TMEM132D: variants seen among roughly 807,000 people sequenced by gnomAD.
TMEM132D encodes the protein mature OL transmembrane protein.
TMEM132D carries 21 observed loss-of-function variants against 62.3 expected under a neutral mutation model. The observed-to-expected ratio is 0.34, with a 90% CI of 0.24 to 0.49. The LOEUF (loss-of-function observed/expected upper bound fraction) is 0.49, where lower values mean the gene tolerates loss of function less well. TMEM132D is among the 20% of genes least tolerant of loss of function. The pLI is 0.99. For synonymous variants in TMEM132D, 621 were observed against 575.6 expected, an observed-to-expected ratio of 1.08 and a Z score of -1.13; for missense variants, 1,346 against 1,402.8, an observed-to-expected ratio of 0.96 and a Z score of 0.65.
chr12:129,722,895 A>T (rs542795545), intron 1 of TMEM132D, among the ~76,000 whole-genome samples: 2 of 151,976 alleles, frequency 1.3e-5, no homozygotes, highest in Non-Finnish European at 2.9e-5. Context: ...ATATGACACC[A>T]CATCCAGCTA....
rs139697593 is a variant in TMEM132D at position 129,459,187 on chromosome 12, G to A, written c.1115+71872C>T. 2.1e-3 allele frequency among the ~76,000 whole-genome samples: 322 copies of A among 152,248 alleles called. 1 individual carries two copies. Among genetic ancestry groups the A allele is most frequent in the African/African-American group, 7.1e-3 (295 of 41,548 alleles). On this transcript the variant is annotated intron_variant, in intron 3 of 8. Coordinates refer to ENST00000422113, the MANE Select transcript of TMEM132D (RefSeq NM_133448.3). ...TCCAGGATGGCTCAGCACTGCACCT[G>A]GAAATGAGGGCAGAGTGAGGCCTGG...
At chr12:129,629,246 C>G (rs1473920198) in intron 2 of TMEM132D, among the ~76,000 whole-genome samples, 2 of 152,222 alleles carry the variant, frequency 1.3e-5, no homozygotes, top group African/African-American at 2.4e-5. Context: ...TGGGAAACTC[C>G]TCTGTCCGGC....
chr12:129,695,379 G>C (rs1005574174), intron 2 of TMEM132D, among the ~76,000 whole-genome samples: 3 of 152,344 alleles, frequency 2.0e-5, no homozygotes, highest in East Asian at 3.9e-4. Flanking sequence ...GGACATATGG[G>C]AACACTGCAA....
rs543547754 is a variant in TMEM132D, at chr12:129,538,696, A to C, written c.969-7491T>G. 3.3e-5 allele frequency among the ~76,000 whole-genome samples: 5 copies of C among 152,372 alleles called. No individual in the cohort carries two copies. In the South Asian group the frequency reaches 1.0e-3, roughly 32 times the overall value. ...TTATGGCAATGCGGTCTCTCTCAAAATACCTTCTTGCACTGTATTCACCCT... is the reference window on the plus strand; with the variant it reads ...TTATGGCAATGCGGTCTCTCTCAAACTACCTTCTTGCACTGTATTCACCCT... On this transcript the variant is annotated intron_variant, in intron 2 of 8. Coordinates refer to ENST00000422113, the MANE Select transcript of TMEM132D (RefSeq NM_133448.3).
At chr12:129,877,628 C>CACACACACAGAGAGAGAG (rs869172595) in intron 1 of TMEM132D, among the ~76,000 whole-genome samples, 11 of 146,962 alleles carry the variant, frequency 7.5e-5, no homozygotes, top group African/African-American at 2.9e-4. Context: ...CACACACACA[C>CACACACACAGAGAGAGAG]AGAGAGAGAG....
chr12:129,771,344 A>T (rs1870746645), intron 1 of TMEM132D, among the ~76,000 whole-genome samples: 1 of 152,202 alleles, frequency 6.6e-6, no homozygotes, highest in South Asian at 2.1e-4. Context: ...GGATAATAAC[A>T]GTCCCTGCCT....
chr12:129,240,754 A>C (rs1009472923), intron 4 of TMEM132D, among the ~76,000 whole-genome samples: 1 of 152,174 alleles, frequency 6.6e-6, no homozygotes, highest in Non-Finnish European at 1.5e-5. Flanking sequence ...AGGCACTGAG[A>C]GCTCAATATA....
At chr12:129,244,247 G>T (rs527528058) in intron 4 of TMEM132D, among the ~76,000 whole-genome samples, 1 of 151,756 alleles carries the variant, frequency 6.6e-6, no homozygotes, top group South Asian at 2.1e-4. Context: ...TTAGCCGGGT[G>T]TGGTGGCGGG....
chr12:129,504,850 G>A (rs1261716397), intron 3 of TMEM132D, among the ~76,000 whole-genome samples: 1 of 152,010 alleles, frequency 6.6e-6, no homozygotes, highest in East Asian at 1.9e-4. Context: ...AGACATTTAG[G>A]GCTATGAACT....
At chr12:129,551,772 C>T (rs1876905237) in intron 2 of TMEM132D, among the ~76,000 whole-genome samples, 1 of 152,194 alleles carries the variant, frequency 6.6e-6, no homozygotes, top group Admixed American at 6.5e-5. Context: ...GAGTTGGGAA[C>T]CTCTGCTTCT....
chr12:129,149,205 C>T (rs760549895), intron 5 of TMEM132D, among the ~76,000 whole-genome samples: 2 of 147,076 alleles, frequency 1.4e-5, no homozygotes, highest in African/African-American at 2.5e-5. Flanking sequence ...GGGAGGGGAA[C>T]GTCACACACC....
At chr12:129,510,551 TAG>T (rs772722751) in intron 3 of TMEM132D, among the ~76,000 whole-genome samples, 6 of 152,218 alleles carry the variant, frequency 3.9e-5, no homozygotes, top group Non-Finnish European at 7.3e-5. Context: ...ATCAATGTCC[TAG>T]AGAGTTTCCC....
chr12:129,097,075 G>T (rs1157915190), intron 5 of TMEM132D, among the ~76,000 whole-genome samples: 1 of 152,226 alleles, frequency 6.6e-6, no homozygotes, highest in Non-Finnish European at 1.5e-5. Context: ...GCCAGGTGCT[G>T]GTCCTGGCCA....
chr12:129,513,305 A>G (rs1421468825), intron 3 of TMEM132D, among the ~76,000 whole-genome samples: 2 of 152,124 alleles, frequency 1.3e-5, no homozygotes, highest in Non-Finnish European at 2.9e-5. Context: ...CAGCCTTTTG[A>G]GGGTGAGAGC....
intron 1 of TMEM132D, among the ~76,000 whole-genome samples, chr12:129,806,843 T>C (rs937498591): frequency 2.0e-4 from 30 of 151,484 alleles, no homozygotes; most frequent in Non-Finnish European, 2.9e-5. Context: ...CTGGGCAATA[T>C]AGTGAGACCC....
intron 2 of TMEM132D, among the ~76,000 whole-genome samples, chr12:129,630,765 G>C (rs1879328960): frequency 6.6e-6 from 1 of 152,100 alleles, no homozygotes; most frequent in Non-Finnish European, 1.5e-5. Flanking sequence ...GGGTAAACTT[G>C]TGTCATGAGG....
At chr12:129,287,252 T>G (rs559654143) in intron 4 of TMEM132D, among the ~76,000 whole-genome samples, 4 of 152,152 alleles carry the variant, frequency 2.6e-5, no homozygotes, top group Non-Finnish European at 5.9e-5. Context: ...TAAATACTGA[T>G]AGTAATGCTC....
intron 1 of TMEM132D, among the ~76,000 whole-genome samples, chr12:129,782,936 C>A (rs1375520727): frequency 6.6e-6 from 1 of 152,184 alleles, no homozygotes; most frequent in Non-Finnish European, 1.5e-5. Context: ...TGATATGGCT[C>A]AATTCATGTT....
intron 1 of TMEM132D, among the ~76,000 whole-genome samples, chr12:129,818,058 T>C (rs1429086918): frequency 6.9e-6 from 1 of 144,294 alleles, no homozygotes. Context: ...GTGAGATGTA[T>C]GTGTGTGTAT....
Sources: gnomAD v4.1 joint callset for allele counts (sites outside exome capture counted in the v4.1 genomes callset) on GRCh38, gnomAD v4.1.1 for gene constraint, MANE v1.5 for transcripts, NCBI Gene and HGNC (gene_info 2026-07-23, HGNC 2026-07-21) for gene names.